Variants in OPCML observed in about 807,000 individuals in gnomAD.
OPCML encodes the protein opioid-binding protein/cell adhesion molecule.
A neutral mutation model predicts 37.8 loss-of-function variants in OPCML; 13 were observed. The observed-to-expected ratio is 0.34, with a 90% CI of 0.22 to 0.55. The LOEUF (loss-of-function observed/expected upper bound fraction) is 0.55, where lower values mean the gene tolerates loss of function less well. Ranked by LOEUF, OPCML falls within the 20% of genes least tolerant of loss-of-function variation. The pLI, the probability that OPCML is intolerant of heterozygous loss-of-function variation, is 0.91. For missense variants in OPCML, 341 were observed against 435.6 expected, an observed-to-expected ratio of 0.78 and a Z score of 1.93; for synonymous variants, 176 against 168.8, an observed-to-expected ratio of 1.04 and a Z score of -0.33.
intron 1 of OPCML, chr11:133,005,525 C>A: frequency 1.0e-6 from 1 of 985,300 alleles, no homozygotes; most frequent in Non-Finnish European, 1.2e-6. Flanking sequence ...CAGCTTATCT[C>A]CTCTGCATTT....
intron 3 of OPCML, among the ~76,000 whole-genome samples, chr11:132,571,283 T>C (rs1417069944): frequency 6.6e-6 from 1 of 152,142 alleles, no homozygotes; most frequent in Non-Finnish European, 1.5e-5. Context: ...ACTTTTGAAC[T>C]GAGACACTAC....
At chr11:133,136,732 A>G (rs149079105) in intron 1 of OPCML, among the ~76,000 whole-genome samples, 1 of 152,140 alleles carries the variant, frequency 6.6e-6, no homozygotes, top group Non-Finnish European at 1.5e-5. Flanking sequence ...CTACATTGGA[A>G]GTAAGATTGG....
chr11:132,434,791 C>T (rs139556160), intron 7 of OPCML, among the ~76,000 whole-genome samples: 3 of 152,270 alleles, frequency 2.0e-5, no homozygotes, highest in Non-Finnish European at 2.9e-5. Context: ...AGTAGGGTGA[C>T]GTCCCCACTG....
chr11:132,889,975 T>C (rs1488346426), intron 2 of OPCML, among the ~76,000 whole-genome samples: 3 of 152,256 alleles, frequency 2.0e-5, no homozygotes, highest in Non-Finnish European at 4.4e-5. Context: ...TTAGTATTTT[T>C]AATTTGAGAG....
chr11:132,761,694 G>A (rs1048654485), intron 2 of OPCML, among the ~76,000 whole-genome samples: 1 of 151,994 alleles, frequency 6.6e-6, no homozygotes, highest in African/African-American at 2.4e-5. Flanking sequence ...GGTTATTCTA[G>A]TTAGCAGTTC....
intron 1 of OPCML, among the ~76,000 whole-genome samples, chr11:133,204,391 G>A (rs975929716): frequency 4.6e-5 from 7 of 152,160 alleles, no homozygotes; most frequent in Non-Finnish European, 8.8e-5. Flanking sequence ...GAAGAAGTTA[G>A]TGAGGAAGAA....
chr11:132,443,195 G>A (rs984453864), intron 4 of OPCML, among the ~76,000 whole-genome samples: 1 of 152,190 alleles, frequency 6.6e-6, no homozygotes, highest in Non-Finnish European at 1.5e-5. Flanking sequence ...ACATTTCTGG[G>A]GGCTTGTGCC....
At chr11:133,350,226 T>C (rs988068813) in intron 1 of OPCML, among the ~76,000 whole-genome samples, 12 of 152,194 alleles carry the variant, frequency 7.9e-5, no homozygotes, top group Admixed American at 1.3e-4. Context: ...AAGGAGAATA[T>C]AATTTAAGTG....
intron 1 of OPCML, among the ~76,000 whole-genome samples, chr11:133,436,443 AAAAT>A (rs1946235309): frequency 6.6e-6 from 1 of 152,200 alleles, no homozygotes; most frequent in Admixed American, 6.5e-5. Flanking sequence ...GACTTTAGTC[AAAAT>A]CCACATATTG....
chr11:132,658,363 C>T (rs925830174), intron 2 of OPCML, among the ~76,000 whole-genome samples: 7 of 152,210 alleles, frequency 4.6e-5, no homozygotes, highest in Non-Finnish European at 5.9e-5. Context: ...TCTGACCTAA[C>T]ACTTGGGTGG....
At chr11:133,124,760 C>T (rs1391047083) in intron 1 of OPCML, among the ~76,000 whole-genome samples, 2 of 152,154 alleles carry the variant, frequency 1.3e-5, no homozygotes, top group East Asian at 3.9e-4. Flanking sequence ...TTCCTCACCT[C>T]CGCCCTCCCA....
At chr11:132,632,697 TC>T (rs1190434259) in intron 3 of OPCML, among the ~76,000 whole-genome samples, 1 of 152,056 alleles carries the variant, frequency 6.6e-6, no homozygotes, top group African/African-American at 2.4e-5. Context: ...GTAATCACTC[TC>T]TCTTTGGTAT....
intron 1 of OPCML, among the ~76,000 whole-genome samples, chr11:133,345,669 C>CTT (rs2136680147): frequency 1.3e-5 from 2 of 152,306 alleles, no homozygotes; most frequent in East Asian, 3.9e-4. Flanking sequence ...TAACTTCCTT[C>CTT]TGGTACTTTT....
chr11:132,820,742 C>T (rs964588307), intron 2 of OPCML, among the ~76,000 whole-genome samples: 9 of 152,098 alleles, frequency 5.9e-5, no homozygotes, highest in African/African-American at 1.4e-4. Flanking sequence ...GAAGGAAACA[C>T]CAGCAATAGA....
chr11:132,430,147 A>C (rs867464239), intron 7 of OPCML, among the ~76,000 whole-genome samples: 41 of 152,182 alleles, frequency 2.7e-4, no homozygotes, highest in Admixed American at 7.2e-4. Context: ...GGAGGGAAGA[A>C]AAGGCACGGG....
chr11:133,292,332 G>T (rs189173250), intron 1 of OPCML, among the ~76,000 whole-genome samples: 1 of 152,118 alleles, frequency 6.6e-6, no homozygotes, highest in East Asian at 1.9e-4. Context: ...TGGCTTTTCC[G>T]TTTCTTTCCA....
intron 3 of OPCML, among the ~76,000 whole-genome samples, chr11:132,621,155 A>T (rs975387184): frequency 6.6e-6 from 1 of 152,238 alleles, no homozygotes; most frequent in Non-Finnish European, 1.5e-5. Context: ...TAAAAGGCTA[A>T]TAATACTGTC....
At chr11:132,632,575 G>A (rs1246461314) in intron 3 of OPCML, among the ~76,000 whole-genome samples, 2 of 151,950 alleles carry the variant, frequency 1.3e-5, no homozygotes, top group Non-Finnish European at 1.5e-5. Flanking sequence ...CTATCTCCAC[G>A]CAACACAATG....
intron 2 of OPCML, among the ~76,000 whole-genome samples, chr11:132,885,788 T>C (rs1434451631): frequency 2.6e-5 from 4 of 152,212 alleles, no homozygotes; most frequent in African/African-American, 7.2e-5. Context: ...AATCAAACAG[T>C]AGGGAAAACA....
Sources: allele counts gnomAD v4.1 joint callset (sites outside exome capture counted in the v4.1 genomes callset), GRCh38; gene constraint gnomAD v4.1.1; transcripts MANE v1.5; gene names NCBI Gene and HGNC (gene_info 2026-07-23, HGNC 2026-07-21).